BLVRA: variants seen among roughly 807,000 people sequenced by gnomAD.
BLVRA encodes the protein biliverdin reductase A, also known as BVR A.
Under a neutral mutation model 32.8 loss-of-function variants are expected in BLVRA, and 22 were observed. That is an observed-to-expected ratio of 0.67 (90% CI 0.48 to 0.96). BLVRA has a LOEUF of 0.96. Among genes scored for constraint, BLVRA ranks in the 40% least tolerant of loss-of-function variants. The pLI is 0.00. For synonymous variants in BLVRA, 119 were observed against 141.3 expected (o/e 0.84, Z 1.12); for missense variants, 323 against 358.1 (o/e 0.90, Z 0.79).
At position 43,776,990 on chromosome 7, in the gene BLVRA, G is replaced by T. The variant is rs1411627621; in HGVS notation, c.12+5820G>T. 4.6e-5 allele frequency among the ~76,000 whole-genome samples: 7 copies of T among 152,050 alleles called. No individual in the cohort carries two copies. The East Asian group carries it at 9.6e-4, about 21-fold the overall frequency. On this transcript the variant is annotated intron_variant, in intron 2 of 7. Coordinates refer to ENST00000265523, the MANE Select transcript of BLVRA (RefSeq NM_000712.4). ...CCCTACCATTTTTTGTTTTCCATTT[G>T]CTTGGTAGATCTTCCTCCATCCCTT...
At chr7:43,785,902 A>G (rs1316125674) in intron 2 of BLVRA, among the ~76,000 whole-genome samples, 2 of 152,240 alleles carry the variant, frequency 1.3e-5, no homozygotes, top group African/African-American at 2.4e-5. Context: ...GTTATAGCTA[A>G]TAGCCAACAA....
In BLVRA at chr7:43,807,134, G is replaced by A; in HGVS notation, c.790G>A (p.Gly264Ser). 6.2e-7 allele frequency: 1 copy of A among 1,614,002 alleles called. No homozygotes were observed. Among genetic ancestry groups the A allele is most frequent in the Non-Finnish European group, 8.5e-7 (1 of 1,180,016 alleles). The change falls in exon 8 of 8, where the codon GGC (glycine) becomes AGC (serine). Residue 264 changes from glycine (G) to serine (S), a missense_variant. Physicochemically the swap from Gly to Ser is moderately conservative, Grantham distance 56. Transcript: ENST00000265523. ...AAATATATTTGTCCAGAAACTCTTGGGCCAGTTCTCTGAGAAGGAACTGGC... is the reference window on the plus strand; with the variant it reads ...AAATATATTTGTCCAGAAACTCTTGAGCCAGTTCTCTGAGAAGGAACTGGC... Reference protein sequence around the residue: ...DQNIFVQKLLGQFSEKELAAE... With the variant: ...DQNIFVQKLLSQFSEKELAAE...
chr7:43,772,347 G>T (rs997797870), intron 2 of BLVRA, among the ~76,000 whole-genome samples: 1 of 152,210 alleles, frequency 6.6e-6, no homozygotes, highest in Non-Finnish European at 1.5e-5. Flanking sequence ...AGGGGAGTGG[G>T]AGCCTTTATT....
At chr7:43,758,828 G>A (rs1482002867) in intron 1 of BLVRA, 94 bp downstream of exon 1, 2 of 151,632 alleles carry the variant, frequency 1.3e-5, no homozygotes, top group African/African-American at 4.8e-5. Context: ...CGAAGCCCCA[G>A]GCCCGCAGGA....
At chr7:43,805,407 C>G (rs1043052329) in intron 7 of BLVRA, among the ~76,000 whole-genome samples, 1 of 151,870 alleles carries the variant, frequency 6.6e-6, no homozygotes, top group Non-Finnish European at 1.5e-5. Flanking sequence ...CTCAGCCTCC[C>G]GAGTAGCTGG....
At chr7:43,774,696 G>A (rs1297097148) in intron 2 of BLVRA, among the ~76,000 whole-genome samples, 2 of 152,200 alleles carry the variant, frequency 1.3e-5, no homozygotes, top group Non-Finnish European at 2.9e-5. Context: ...GTAGCTTGAT[G>A]GGGATGGCAT....
intron 7 of BLVRA, 104 bp downstream of exon 7, chr7:43,803,951 G>A (rs1307640132): frequency 2.2e-6 from 3 of 1,333,458 alleles, no homozygotes; most frequent in Non-Finnish European, 3.2e-6. Flanking sequence ...CTCACTCCCA[G>A]CTCCAGAAGG....
At chr7:43,792,928 G>T (rs566407466) in intron 5 of BLVRA, 116 bp downstream of exon 5, 15 of 1,015,814 alleles carry the variant, frequency 1.5e-5, no homozygotes, top group Non-Finnish European at 2.1e-5. Context: ...TGGCACTGTG[G>T]GCTCCCAACT....
chr7:43,778,487 G>A (rs981993686), intron 2 of BLVRA, among the ~76,000 whole-genome samples: 2 of 152,212 alleles, frequency 1.3e-5, no homozygotes, highest in Non-Finnish European at 2.9e-5. Flanking sequence ...TTCGTGAACC[G>A]CAAATGCTGC....
At chr7:43,786,335 C>T (rs910306787) in intron 2 of BLVRA, among the ~76,000 whole-genome samples, 1 of 152,044 alleles carries the variant, frequency 6.6e-6, no homozygotes, top group Non-Finnish European at 1.5e-5. Flanking sequence ...AAAAAAAGGA[C>T]ATAACCATCC....
At chr7:43,805,688 G>A (rs1367825822) in intron 7 of BLVRA, among the ~76,000 whole-genome samples, 2 of 152,050 alleles carry the variant, frequency 1.3e-5, no homozygotes, top group Non-Finnish European at 2.9e-5. Context: ...AGTACTTTCC[G>A]TGTCCCAAAT....
intron 1 of BLVRA, chr7:43,767,188 G>T: frequency 1.7e-6 from 1 of 580,396 alleles, no homozygotes; most frequent in Non-Finnish European, 3.1e-6. Context: ...CATAAGTAAT[G>T]TTCTGTAGGC....
At chr7:43,763,994 G>A (rs1002358936) in intron 1 of BLVRA, among the ~76,000 whole-genome samples, 4 of 152,164 alleles carry the variant, frequency 2.6e-5, no homozygotes, top group Admixed American at 1.3e-4. Context: ...TAATATTGAG[G>A]ATGCAGATAA....
chr7:43,778,257 T>C (rs1338547181), intron 2 of BLVRA, among the ~76,000 whole-genome samples: 3 of 152,228 alleles, frequency 2.0e-5, no homozygotes, highest in Non-Finnish European at 4.4e-5. Flanking sequence ...CTCTGTTTTT[T>C]CCCCATCTTT....
chr7:43,775,419 T>A (rs2095759594), intron 2 of BLVRA, among the ~76,000 whole-genome samples: 1 of 152,218 alleles, frequency 6.6e-6, no homozygotes, highest in Non-Finnish European at 1.5e-5. Flanking sequence ...TGTCTTTGGT[T>A]CTGTTTATAT....
chr7:43,806,874 G>T, intron 7 of BLVRA, 103 bp from the exon 8 acceptor site: 2 of 1,349,844 alleles, frequency 1.5e-6, no homozygotes, highest in Non-Finnish European at 2.1e-6. Context: ...AGGAGGATGG[G>T]TGCCTGACAA....
chr7:43,788,088 A>G (rs762296012), intron 3 of BLVRA, 63 bp downstream of exon 3: 5 of 1,613,356 alleles, frequency 3.1e-6, no homozygotes, highest in Non-Finnish European at 3.4e-6. Context: ...GATTAGCTGC[A>G]GGACATGGAG....
At chr7:43,779,034 C>T (rs532394011) in intron 2 of BLVRA, among the ~76,000 whole-genome samples, 22 of 152,318 alleles carry the variant, frequency 1.4e-4, no homozygotes, top group Non-Finnish European at 2.9e-4. Flanking sequence ...TGGGAGTGAC[C>T]CAATTTTCCA....
intron 5 of BLVRA, among the ~76,000 whole-genome samples, chr7:43,795,308 G>A (rs536961508): frequency 6.6e-6 from 1 of 152,150 alleles, no homozygotes; most frequent in African/African-American, 2.4e-5. Flanking sequence ...CTGAGGTCAG[G>A]ATTTCAAGAC....
Sources: gnomAD v4.1 joint callset for allele counts (sites outside exome capture counted in the v4.1 genomes callset) on GRCh38, gnomAD v4.1.1 for gene constraint, MANE v1.5 for transcripts, NCBI Gene and HGNC (gene_info 2026-07-23, HGNC 2026-07-21) for gene names.